The following SEPTIN8 variants were observed in gnomAD, a reference collection of about 807,000 sequenced individuals.
SEPTIN8 encodes septin 8, also known as septin-8.
A neutral mutation model predicts 53.1 loss-of-function variants in SEPTIN8; 22 were observed. The ratio of observed to expected loss-of-function variants is 0.41; its 90% confidence interval spans 0.30 to 0.59. The LOEUF (loss-of-function observed/expected upper bound fraction) is 0.59. SEPTIN8 is among the 20% of genes least tolerant of loss of function. SEPTIN8 has a pLI of 0.24. For synonymous variants in SEPTIN8, 228 were observed against 248.4 expected (o/e 0.92, Z 0.77); for missense variants, 536 against 638.7 (o/e 0.84, Z 1.73).
chr5:132,756,442 T>C (rs1755349459), intron 9 of SEPTIN8: 1 of 985,392 alleles, frequency 1.0e-6, no homozygotes, highest in African/African-American at 1.7e-5. Flanking sequence ...TGATAGTAAA[T>C]GCCAACATGA....
Position 132,751,524 on chromosome 5 carries a change from A to C in SEPTIN8, c.*492T>G, listed in dbSNP as rs1442792475. 2 of 197,034 alleles carry C rather than the reference A, an allele frequency of 1.0e-5. No individual in the cohort carries two copies. Among genetic ancestry groups the C allele is most frequent in the Non-Finnish European group, 2.1e-5 (2 of 97,168 alleles). The allele number at this position is 197,034 out of a possible 1,614,324, so 12.2% of individuals were successfully genotyped here. Reference sequence around the variant, plus strand: ...TAAGGCAAAATTATGCAATGTGGAAATCTCATGGGGTTTTGGTTTGTTATG... The same window carrying C: ...TAAGGCAAAATTATGCAATGTGGAACTCTCATGGGGTTTTGGTTTGTTATG... On this transcript the variant is annotated 3_prime_UTR_variant, in exon 10 of 10. Transcript: ENST00000378719.
At chr5:132,774,954 C>T (rs1176424552) in intron 1 of SEPTIN8, among the ~76,000 whole-genome samples, 3 of 152,186 alleles carry the variant, frequency 2.0e-5, no homozygotes, top group Admixed American at 6.5e-5. Flanking sequence ...GGAGTCCAGA[C>T]TTAAATTCAG....
upstream of SEPTIN8, chr5:132,777,640 C>T (rs1581210843): frequency 4.0e-5 from 39 of 985,566 alleles, no homozygotes; most frequent in East Asian, 4.5e-4. This position sits in a 1 kb window ranked among gnomAD's most constrained non-coding sequence, Gnocchi z 4.1. Flanking sequence ...GCCGTCTCCA[C>T]CCGCTGGAGC....
At chr5:132,755,918 G>A (rs1333339644) in intron 9 of SEPTIN8, 1 of 954,764 alleles carries the variant, frequency 1.0e-6, no homozygotes, top group Non-Finnish European at 1.2e-6. Context: ...CAGACAAGCT[G>A]TATTTTACCA....
chr5:132,763,796 T>C lies in SEPTIN8; in HGVS notation c.444A>G (p.Thr148=), dbSNP rs916461403. The change falls in exon 4 of 10, where the codon ACA becomes ACG. Residue 148 remains threonine, a synonymous_variant. Coordinates refer to ENST00000378719, the MANE Select transcript of SEPTIN8 (RefSeq NM_001098811.2). ...TGAAGTAGAGGCAAACGTGGATCCTTGTGTCATGGTAGTCGAAGAGCGAGC... is the reference window on the plus strand; with the variant it reads ...TGAAGTAGAGGCAAACGTGGATCCTCGTGTCATGGTAGTCGAAGAGCGAGC... The part of the protein sequence containing the change: ...IRRSLFDYHD[T]RIHVCLYFIT... 8.7e-6 allele frequency: 14 copies of C among 1,613,378 alleles called. No homozygotes were observed. Among genetic ancestry groups the C allele is most frequent in the East Asian group, 4.5e-5 (2 of 44,870 alleles).
Position 132,761,310 on chromosome 5 carries a change from G to C in SEPTIN8, c.963-45C>G. 1 of 1,609,242 alleles carries C rather than the reference G, an allele frequency of 6.2e-7. No homozygotes were observed. Among genetic ancestry groups the C allele is most frequent in the East Asian group, 2.2e-5 (1 of 44,884 alleles). ...AGAGGCCAAGGATGGGATTATGACG[G>C]AATGGGATAGGGCAGGGCAGAGCCA... On this transcript the variant is annotated intron_variant, in intron 7 of 9. Transcript: ENST00000378719. This position sits in a 1 kb window ranked among gnomAD's most constrained non-coding sequence, Gnocchi z 5.8.
At position 132,761,051 on chromosome 5, in the gene SEPTIN8, C is replaced by T. The variant is rs924766552; in HGVS notation, c.1096-59G>A. ...GCAAGAGGAGGGCTTGAGCCTGGGC[C>T]AGGAAGGCACCCCCACCTCTACCCT... On this transcript the variant is annotated intron_variant, in intron 8 of 9. Coordinates refer to ENST00000378719, the MANE Select transcript of SEPTIN8 (RefSeq NM_001098811.2). This position sits in a 1 kb window ranked among gnomAD's most constrained non-coding sequence, Gnocchi z 5.8. The T allele has an allele frequency of 8.1e-6, 13 of 1,601,252 alleles. No homozygotes were observed. Among genetic ancestry groups the T allele is most frequent in the South Asian group, 3.4e-5 (3 of 88,434 alleles).
Position 132,760,861 on chromosome 5 carries a change from CTGCAGGGCCT to C in SEPTIN8, c.1217_1226del (p.Glu406GlyfsTer13). The C allele has an allele frequency of 1.9e-6, 3 of 1,613,862 alleles. No homozygotes were observed. Among genetic ancestry groups the C allele is most frequent in the East Asian group, 4.5e-5 (2 of 44,880 alleles). ...GCGAGGTGGCGTGCAAGGCCTGCGA[CTGCAGGGCCT>C]CCACCGCAGCCTTCCGGCGATTGAA... On this transcript the variant is annotated frameshift_variant, in exon 9 of 10. Coordinates refer to ENST00000378719, the MANE Select transcript of SEPTIN8 (RefSeq NM_001098811.2). LOFTEE classifies it high-confidence loss of function. This position sits in a 1 kb window ranked among gnomAD's most constrained non-coding sequence, Gnocchi z 5.2.
At chr5:132,756,894 C>G (rs1338311262) in intron 9 of SEPTIN8, 1 of 985,340 alleles carries the variant, frequency 1.0e-6, no homozygotes, top group African/African-American at 1.7e-5. Flanking sequence ...ATCCAATGAA[C>G]CTGCTGGGTC....
chr5:132,775,898 A>AC (rs1309499394), intron 1 of SEPTIN8: 4 of 151,952 alleles, frequency 2.6e-5, no homozygotes, highest in Middle Eastern at 3.4e-3. Context: ...CTGACATACG[A>AC]CCCCCTCTCC....
At chr5:132,757,204 ATAAT>A (rs1394975003) in intron 9 of SEPTIN8, 1 of 981,496 alleles carries the variant, frequency 1.0e-6, no homozygotes, top group Non-Finnish European at 1.2e-6. Flanking sequence ...GTCTTTCTAA[ATAAT>A]TCAAGCTTTC....
intron 1 of SEPTIN8, among the ~76,000 whole-genome samples, chr5:132,766,301 C>T (rs954667654): frequency 2.6e-5 from 4 of 152,164 alleles, no homozygotes; most frequent in Non-Finnish European, 5.9e-5. Flanking sequence ...CCCATCTCAG[C>T]CCTGGTTGTC....
intron 9 of SEPTIN8, among the ~76,000 whole-genome samples, chr5:132,755,331 C>T (rs1182276473): frequency 6.6e-6 from 1 of 152,176 alleles, no homozygotes; most frequent in Non-Finnish European, 1.5e-5. Flanking sequence ...CTAGGGCTTT[C>T]TACCTCTAAA....
At chr5:132,770,095 A>ATG (rs1383616312) in intron 1 of SEPTIN8, among the ~76,000 whole-genome samples, 1 of 22,732 alleles carries the variant, frequency 4.4e-5, no homozygotes, top group African/African-American at 3.0e-4. Flanking sequence ...ATATGTATAT[A>ATG]TATATGTATA....
Position 132,777,206 on chromosome 5 carries a change from G to T in SEPTIN8, c.-69C>A. Reference sequence around the variant, plus strand: ...GCAGCGACAGGGACCAGCCGGCTGCGGGACGCGCTCCGCCCGGGCGGCTGC... The same window carrying T: ...GCAGCGACAGGGACCAGCCGGCTGCTGGACGCGCTCCGCCCGGGCGGCTGC... On this transcript the variant is annotated 5_prime_UTR_variant, in exon 1 of 10. Coordinates refer to ENST00000378719, the MANE Select transcript of SEPTIN8 (RefSeq NM_001098811.2). The surrounding 1 kb of genome is among the most constrained non-coding windows in gnomAD (Gnocchi z 4.1). 2 of 1,159,132 alleles carry T rather than the reference G, an allele frequency of 1.7e-6. No homozygotes were observed. Among genetic ancestry groups the T allele is most frequent in the South Asian group, 4.2e-5 (1 of 23,600 alleles). The allele number at this position is 1,159,132 out of a possible 1,614,324, so 71.8% of individuals were successfully genotyped here.
intron 9 of SEPTIN8, chr5:132,758,616 C>T: frequency 6.3e-7 from 1 of 1,599,666 alleles, no homozygotes; most frequent in Non-Finnish European, 8.5e-7. Context: ...TACGTGTTTG[C>T]ATAGAGAGGG....
At chr5:132,777,685 G>T, upstream of SEPTIN8, 1 of 985,568 alleles carries the variant, frequency 1.0e-6, no homozygotes. The surrounding 1 kb of genome is among the most constrained non-coding windows in gnomAD (Gnocchi z 4.1). Context: ...CCAGAGTGTG[G>T]ACAAGCTGCG....
rs537579212 is a variant in SEPTIN8, at chr5:132,760,559, T to G, written c.1286+243A>C. Among the ~76,000 whole-genome samples the G allele has an allele frequency of 5.9e-5, 9 of 151,878 alleles. No homozygotes were observed. In the East Asian group the frequency reaches 1.8e-3, roughly 30 times the overall value. On this transcript the variant is annotated intron_variant, in intron 9 of 9. Coordinates refer to ENST00000378719, the MANE Select transcript of SEPTIN8 (RefSeq NM_001098811.2). This position sits in a 1 kb window ranked among gnomAD's most constrained non-coding sequence, Gnocchi z 5.2. ...GGGAGAGGGAGGGGGAGCACAAGAT[T>G]GCCTGTGCAAGTGAGACTGCATGAG... is the stretch of plus-strand genomic sequence containing the variant.
At chr5:132,758,326 T>G in intron 9 of SEPTIN8, 1 of 1,391,950 alleles carries the variant, frequency 7.2e-7, no homozygotes. Flanking sequence ...TAGAAGTGTT[T>G]TAAAGTTATT....
Sources: gnomAD v4.1 joint callset for allele counts (sites outside exome capture counted in the v4.1 genomes callset) on GRCh38, gnomAD v4.1.1 for gene constraint, Gnocchi (gnomAD v3.1) non-coding constraint, MANE v1.5 for transcripts, NCBI Gene and HGNC (gene_info 2026-07-23, HGNC 2026-07-21) for gene names.